USP45: variants seen among roughly 807,000 people sequenced by gnomAD.
USP45 encodes the protein ubiquitin carboxyl-terminal hydrolase 45.
USP45 carries 89 observed loss-of-function variants against 95.8 expected under a neutral mutation model. The ratio of observed to expected loss-of-function variants is 0.93; its 90% confidence interval spans 0.78 to 1.11. The LOEUF is 1.11. USP45 is among the 50% of genes least tolerant of loss of function. USP45 has a pLI of 0.00. For synonymous variants in USP45, 281 were observed against 316.2 expected (o/e 0.89, Z 1.18); for missense variants, 898 against 942.5 (o/e 0.95, Z 0.62).
At chr6:99,460,438 T>C (rs964636243) in intron 13 of USP45, among the ~76,000 whole-genome samples, 3 of 152,112 alleles carry the variant, frequency 2.0e-5, no homozygotes, top group Non-Finnish European at 4.4e-5. Flanking sequence ...TAAACAAAAA[T>C]ATCCTTGCAA....
chr6:99,457,303 A>T (rs1785320152), intron 13 of USP45, among the ~76,000 whole-genome samples: 1 of 152,066 alleles, frequency 6.6e-6, no homozygotes, highest in South Asian at 2.1e-4. Flanking sequence ...CCTTTTGAAA[A>T]TCCCTAATAA....
chr6:99,486,022 G>C (rs1793787581), intron 7 of USP45, among the ~76,000 whole-genome samples: 1 of 152,194 alleles, frequency 6.6e-6, no homozygotes, highest in Non-Finnish European at 1.5e-5. Flanking sequence ...ACCTTCGTAT[G>C]TAATAATGGG....
chr6:99,469,832 C>T (rs182381377), intron 9 of USP45, among the ~76,000 whole-genome samples: 1 of 151,928 alleles, frequency 6.6e-6, no homozygotes, highest in East Asian at 1.9e-4. Flanking sequence ...CCTATGTTGC[C>T]CAGGCTGGTC....
rs1455254647 is a variant in USP45, at chr6:99,488,230, G to T, written c.684C>A (p.Leu228=). 1 of 1,612,466 alleles carries T rather than the reference G, an allele frequency of 6.2e-7. No individual in the cohort carries two copies. Among genetic ancestry groups the T allele is most frequent in the Non-Finnish European group, 8.5e-7 (1 of 1,179,272 alleles). The change falls in exon 7 of 18, where the codon CTC becomes CTA. Residue 228 remains leucine (L), a synonymous_variant. Coordinates refer to ENST00000500704, the MANE Select transcript of USP45 (RefSeq NM_001346022.3). Reference sequence around the variant, plus strand: ...GAGAGTCTGAGGAAGGAAAAATCTTGAGTTTTGTACTACTTTCTTTGATCT... The same window carrying T: ...GAGAGTCTGAGGAAGGAAAAATCTTTAGTTTTGTACTACTTTCTTTGATCT... The part of the protein sequence containing the change: ...MNEIKESSTK[L]KIFPSSDSQL...
rs1335560680 is a variant in USP45, at chr6:99,464,725, C to T, written c.1187G>A (p.Gly396Glu). ...EERVSKPLLW[G>E]RMNKYRSLRE... ...TAAACTTCTATATTTATTCATTCTT[C>T]CCCAAAGTAAAGGTTTTGAAACCTA... Residue 396 changes from glycine (G) to glutamate (E), a missense_variant, in exon 13 of 18, where the codon GGA becomes GAA. Coordinates refer to ENST00000500704, the MANE Select transcript of USP45 (RefSeq NM_001346022.3). 4.4e-6 allele frequency: 7 copies of T among 1,608,586 alleles called. No individual in the cohort carries two copies. Among genetic ancestry groups the T allele is most frequent in the Non-Finnish European group, 5.9e-6 (7 of 1,178,850 alleles).
At chr6:99,448,061 C>G (rs193102527) in intron 13 of USP45, among the ~76,000 whole-genome samples, 48 of 152,264 alleles carry the variant, frequency 3.2e-4, no homozygotes, top group South Asian at 1.0e-3. Flanking sequence ...CATCAAAGAC[C>G]AAAGGTAGAT....
At chr6:99,468,460 G>T (rs1007530568) in intron 10 of USP45, 77 bp downstream of exon 10, 1 of 984,444 alleles carries the variant, frequency 1.0e-6, no homozygotes, top group Non-Finnish European at 1.5e-6. Flanking sequence ...TTCACATAAT[G>T]TTCAGTTCTT....
intron 10 of USP45, chr6:99,468,306 G>A (rs10457650): frequency 0.53 from 275,679 of 523,352 alleles, 75,937 homozygotes; most frequent in Non-Finnish European, 0.59. Flanking sequence ...TAAAGGTATC[G>A]GTGTCAATCT....
At chr6:99,510,055 T>C (rs1799437610) in intron 2 of USP45, 66 bp downstream of exon 2, 3 of 1,254,476 alleles carry the variant, frequency 2.4e-6, no homozygotes, top group South Asian at 1.3e-5. Context: ...ACCCATGTTG[T>C]TGAAGGGTCA....
intron 13 of USP45, among the ~76,000 whole-genome samples, chr6:99,452,805 A>G (rs953919918): frequency 2.0e-5 from 3 of 152,236 alleles, no homozygotes; most frequent in Non-Finnish European, 4.4e-5. Flanking sequence ...AGACTGGATT[A>G]AGAAAATGTG....
At chr6:99,469,982 GAA>G (rs1788994253) in intron 9 of USP45, among the ~76,000 whole-genome samples, 1 of 151,816 alleles carries the variant, frequency 6.6e-6, no homozygotes, top group Non-Finnish European at 1.5e-5. Flanking sequence ...TTTGAATAAG[GAA>G]AAAAAGAGCA....
Position 99,488,833 on chromosome 6 carries a change from G to GA in USP45, c.479-14dup, listed in dbSNP as rs764816707. ...CTAGAAAATGCACCTACAAGTTAGA[G>GA]AAAAAATAACTGACACAAGATGTAA... On this transcript the variant is annotated splice_polypyrimidine_tract_variant and intron_variant, in intron 5 of 17. Transcript: ENST00000500704. The GA allele has an allele frequency of 4.6e-6, 7 of 1,536,422 alleles. No homozygotes were observed. Among genetic ancestry groups the GA allele is most frequent in the Admixed American group, 4.4e-5 (2 of 45,642 alleles).
intron 16 of USP45, among the ~76,000 whole-genome samples, chr6:99,438,342 T>C (rs1780891699): frequency 6.6e-6 from 1 of 152,138 alleles, no homozygotes; most frequent in Non-Finnish European, 1.5e-5. Flanking sequence ...TCTGCTTATA[T>C]TTAAAAAAAA....
chr6:99,457,777 A>G (rs1785422044), intron 13 of USP45, among the ~76,000 whole-genome samples: 1 of 152,194 alleles, frequency 6.6e-6, no homozygotes, highest in Non-Finnish European at 1.5e-5. Flanking sequence ...AGGCATTACC[A>G]CTAAGAAATT....
chr6:99,500,261 G>A (rs1370573780), intron 5 of USP45, among the ~76,000 whole-genome samples: 4 of 152,112 alleles, frequency 2.6e-5, no homozygotes, highest in South Asian at 2.1e-4. Flanking sequence ...AGTAGCTGGC[G>A]TTACAGGAAT....
intron 1 of USP45, among the ~76,000 whole-genome samples, chr6:99,511,757 C>T (rs1445113596): frequency 1.3e-5 from 2 of 151,054 alleles, no homozygotes; most frequent in African/African-American, 4.9e-5. Context: ...CCCACCAATT[C>T]CACACCTATT....
intron 9 of USP45, among the ~76,000 whole-genome samples, chr6:99,474,068 C>T (rs1039421921): frequency 3.3e-5 from 5 of 152,092 alleles, no homozygotes; most frequent in Non-Finnish European, 5.9e-5. Context: ...TGTTTTATAG[C>T]AGGAGAGAGT....
At chr6:99,447,480 T>C (rs1226584815) in intron 13 of USP45, among the ~76,000 whole-genome samples, 1 of 152,200 alleles carries the variant, frequency 6.6e-6, no homozygotes, top group Non-Finnish European at 1.5e-5. Context: ...ATAGTACTTT[T>C]TTTTGGAAAC....
intron 15 of USP45, among the ~76,000 whole-genome samples, chr6:99,441,533 CA>C (rs368801961): frequency 3.4e-3 from 475 of 138,590 alleles, no homozygotes; most frequent in African/African-American, 6.0e-3. Context: ...ACTCCATCTC[CA>C]AAAAAAAAAA....
Sources: allele counts gnomAD v4.1 joint callset (sites outside exome capture counted in the v4.1 genomes callset), GRCh38; gene constraint gnomAD v4.1.1; transcripts MANE v1.5; gene names NCBI Gene and HGNC (gene_info 2026-07-23, HGNC 2026-07-21).